The following VRK2 variants were observed in gnomAD, a reference collection of about 807,000 sequenced individuals.
VRK2 encodes the protein serine/threonine-protein kinase VRK2.
VRK2 carries 60 observed loss-of-function variants against 57.6 expected under a neutral mutation model. The observed-to-expected ratio is 1.04, with a 90% CI of 0.85 to 1.29. The LOEUF (loss-of-function observed/expected upper bound fraction) is 1.29. Among genes scored for constraint, VRK2 ranks in the 50% most tolerant of loss-of-function variants. The pLI, the probability that VRK2 is intolerant of heterozygous loss-of-function variation, is 0.00. For missense variants in VRK2, 705 were observed against 588.1 expected (o/e 1.20, Z -2.06); for synonymous variants, 231 against 199.2 (o/e 1.16, Z -1.35).
At chr2:58,117,241 G>A (rs910416108) in intron 7 of VRK2, among the ~76,000 whole-genome samples, 9 of 152,238 alleles carry the variant, frequency 5.9e-5, no homozygotes, top group East Asian at 1.9e-4. Flanking sequence ...GAGCCTAAAC[G>A]CTTCTGATTT....
Position 57,960,477 on chromosome 2 carries a change from T to C in VRK2, c.-439+52638T>C, listed in dbSNP as rs571939968. On this transcript the variant is annotated intron_variant, in intron 1 of 15. Transcript: ENST00000417641. Reference sequence around the variant, plus strand: ...AATTGTGGCCACATGAATGGTCTGGTGCATTCACTTAAATTGATTGTATCT... The same window carrying C: ...AATTGTGGCCACATGAATGGTCTGGCGCATTCACTTAAATTGATTGTATCT... Among the ~76,000 whole-genome samples the C allele has an allele frequency of 2.6e-5, 4 of 152,356 alleles. No individual in the cohort carries two copies. The East Asian group carries it at 7.7e-4, about 29-fold the overall frequency.
chr2:58,116,218 C>T (rs900252196), intron 7 of VRK2, among the ~76,000 whole-genome samples: 9 of 151,724 alleles, frequency 5.9e-5, no homozygotes, highest in East Asian at 1.9e-4. Context: ...GTAAGGGGTG[C>T]GTGATCGGTC....
chr2:58,116,423 T>TA (rs1249457753), intron 7 of VRK2, among the ~76,000 whole-genome samples: 1 of 151,528 alleles, frequency 6.6e-6, no homozygotes, highest in Non-Finnish European at 1.5e-5. Context: ...TGGGGATAAC[T>TA]AAAAAAGAGT....
At chr2:58,138,485 A>G (rs1680864317) in intron 10 of VRK2, among the ~76,000 whole-genome samples, 1 of 152,226 alleles carries the variant, frequency 6.6e-6, no homozygotes, top group Non-Finnish European at 1.5e-5. Flanking sequence ...TCATGTTCCC[A>G]GGAAATAGCT....
At chr2:58,113,828 G>T (rs1675972320) in intron 7 of VRK2, among the ~76,000 whole-genome samples, 1 of 152,218 alleles carries the variant, frequency 6.6e-6, no homozygotes, top group African/African-American at 2.4e-5. Flanking sequence ...CACAGGGGAT[G>T]CGACGGCTTG....
rs370499341 is a variant in VRK2, at chr2:58,048,889, G to C, written c.58G>C (p.Val20Leu). The change falls in exon 2 of 13, where the codon GTT (valine) becomes CTT (leucine). Residue 20 changes from valine to leucine, a missense_variant. Val to Leu is a conservative substitution (Grantham distance 32). Coordinates refer to ENST00000340157, the MANE Select transcript of VRK2 (RefSeq NM_006296.7). The part of the protein sequence containing the change: ...KLPIPFPEGK[V>L]LDDMEGNQWV... ...TCCTATTCCATTTCCAGAAGGCAAG[G>C]TTCTGGATGATATGGAAGGCAATCA... The C allele has an allele frequency of 2.5e-6, 4 of 1,613,998 alleles. No individual in the cohort carries two copies. The Admixed American group carries it at 6.7e-5, about 27-fold the overall frequency.
intron 7 of VRK2, among the ~76,000 whole-genome samples, chr2:58,093,424 G>A (rs1367725005): frequency 6.6e-6 from 1 of 152,050 alleles, no homozygotes; most frequent in Non-Finnish European, 1.5e-5. Context: ...GTGATGATGA[G>A]CATTTTTTCA....
intron 1 of VRK2, among the ~76,000 whole-genome samples, chr2:58,002,362 C>A (rs1572764761): frequency 6.6e-6 from 1 of 152,126 alleles, no homozygotes; most frequent in East Asian, 1.9e-4. Flanking sequence ...CCTATAATCC[C>A]AGCTACTCGG....
intron 5 of VRK2, among the ~76,000 whole-genome samples, chr2:58,086,695 C>T (rs1573018367): frequency 2.0e-5 from 3 of 152,108 alleles, no homozygotes; most frequent in South Asian, 2.1e-4. Context: ...TTCAGGGTTC[C>T]TCATGTGGCT....
At chr2:58,131,602 C>G (rs569080733) in intron 8 of VRK2, among the ~76,000 whole-genome samples, 63 of 152,206 alleles carry the variant, frequency 4.1e-4, no homozygotes, top group Non-Finnish European at 6.6e-4. Flanking sequence ...GAAACTGACC[C>G]TTACTTTCAA....
chr2:57,937,616 C>T (rs1231575283), intron 1 of VRK2, among the ~76,000 whole-genome samples: 1 of 151,968 alleles, frequency 6.6e-6, no homozygotes, highest in African/African-American at 2.4e-5. Flanking sequence ...GTAAACAGAC[C>T]CAGCGGTTTT....
intron 1 of VRK2, among the ~76,000 whole-genome samples, chr2:57,966,086 T>C (rs1300746836): frequency 1.3e-5 from 2 of 152,082 alleles, no homozygotes; most frequent in Non-Finnish European, 2.9e-5. Flanking sequence ...CTGCTACTAC[T>C]CCATAGATGC....
chr2:58,003,996 C>A (rs979650194), intron 1 of VRK2, among the ~76,000 whole-genome samples: 1 of 152,050 alleles, frequency 6.6e-6, no homozygotes, highest in East Asian at 1.9e-4. Flanking sequence ...TTCCAGACTG[C>A]CATTTTGCAA....
chr2:58,015,562 T>C (rs1477862631), intron 1 of VRK2, among the ~76,000 whole-genome samples: 1 of 152,222 alleles, frequency 6.6e-6, no homozygotes, highest in Non-Finnish European at 1.5e-5. Flanking sequence ...AATGTCATAA[T>C]CTTCCCTTTC....
intron 1 of VRK2, among the ~76,000 whole-genome samples, chr2:57,911,972 C>G (rs1373058544): frequency 1.3e-5 from 2 of 152,096 alleles, no homozygotes; most frequent in Non-Finnish European, 2.9e-5. Flanking sequence ...ACATAATAGG[C>G]CTTTAGTAAA....
At chr2:58,092,320 C>T (rs1045534573) in intron 7 of VRK2, among the ~76,000 whole-genome samples, 9 of 152,094 alleles carry the variant, frequency 5.9e-5, no homozygotes, top group African/African-American at 2.2e-4. Context: ...TAACATAATG[C>T]TTTTGAGATT....
chr2:58,157,933 G>A (rs1684213957), intron 12 of VRK2, among the ~76,000 whole-genome samples: 1 of 152,144 alleles, frequency 6.6e-6, no homozygotes, highest in East Asian at 1.9e-4. Context: ...GCCAAATTTT[G>A]GCAACTCCTG....
intron 2 of VRK2, among the ~76,000 whole-genome samples, chr2:58,054,847 T>C (rs953867654): frequency 6.6e-6 from 1 of 152,240 alleles, no homozygotes; most frequent in African/African-American, 2.4e-5. Context: ...AACACTCTGT[T>C]GTATTCTCCA....
chr2:58,048,969 T>A lies in VRK2; in HGVS notation c.136+2T>A. On this transcript the variant is annotated splice_donor_variant, in intron 2 of 12. Transcript: ENST00000340157. LOFTEE classifies it high-confidence loss of function. ...GAGGATTTGGATTGATATATTTAGG[T>A]AAAGTAAAACCTTAAATTAACAATT... The A allele has an allele frequency of 6.2e-7, 1 of 1,610,510 alleles. No homozygotes were observed. The highest frequency in any genetic ancestry group is 8.5e-7 in the Non-Finnish European group (1 of 1,178,868).
Sources: gnomAD v4.1 joint callset for allele counts (sites outside exome capture counted in the v4.1 genomes callset) on GRCh38, gnomAD v4.1.1 for gene constraint, MANE v1.5 for transcripts, NCBI Gene and HGNC (gene_info 2026-07-23, HGNC 2026-07-21) for gene names.